The following PACS2 variants were observed in gnomAD, a reference collection of about 807,000 sequenced individuals.
PACS2 encodes PACS1-like protein.
In PACS2, 36 loss-of-function variants were observed where a neutral mutation model predicts 113.0. That is an observed-to-expected ratio of 0.32 (90% CI 0.24 to 0.42). PACS2 has a LOEUF of 0.42. PACS2 is among the 10% of genes least tolerant of loss of function. PACS2 has a pLI of 1.00. For synonymous variants in PACS2, 589 were observed against 536.1 expected, an observed-to-expected ratio of 1.10 and a Z score of -1.36; for missense variants, 1,015 against 1,239.5, an observed-to-expected ratio of 0.82 and a Z score of 2.72.
chr14:105,379,605 C>T, intron 9 of PACS2, 134 bp from the exon 10 acceptor site: 1 of 707,686 alleles, frequency 1.4e-6, no homozygotes, highest in Non-Finnish European at 2.5e-6. Flanking sequence ...GACACGGGCT[C>T]TTCTCTGGAC....
chr14:105,336,271 C>T (rs780218062), intron 1 of PACS2, among the ~76,000 whole-genome samples: 6 of 152,244 alleles, frequency 3.9e-5, no homozygotes, highest in African/African-American at 7.2e-5. Context: ...GGTTGACATG[C>T]GCCTCGAGGG....
intron 19 of PACS2, among the ~76,000 whole-genome samples, chr14:105,386,581 T>C (rs765464129): frequency 3.9e-5 from 6 of 152,086 alleles, no homozygotes; most frequent in Non-Finnish European, 8.8e-5. Context: ...TGGGGGCCCC[T>C]GCTGGTCCTC....
Position 105,326,718 on chromosome 14 carries a change from G to A in PACS2, c.119+11681G>A, listed in dbSNP as rs113405258. Among the ~76,000 whole-genome samples, 667 of 152,314 alleles carry A rather than the reference G, an allele frequency of 4.4e-3. 9 individuals carry two copies. Among genetic ancestry groups the A allele is most frequent in the African/African-American group, 0.015 (631 of 41,578 alleles). ...GGCCTAGCCAGGGAGGGGAGCGGGA[G>A]CTCTGGCCGTGAAGACCCACCCTGA... On this transcript the variant is annotated intron_variant, in intron 1 of 24. Coordinates refer to ENST00000447393, the MANE Select transcript of PACS2 (RefSeq NM_001100913.3).
chr14:105,390,079 G>A, intron 20 of PACS2, 76 bp downstream of exon 20: 1 of 1,241,006 alleles, frequency 8.1e-7, no homozygotes, highest in Non-Finnish European at 1.2e-6. Flanking sequence ...AACGTTTGGG[G>A]ATTGACTCGA....
chr14:105,350,268 T>A lies in PACS2; in HGVS notation c.207+1688T>A, dbSNP rs2060119097. Among the ~76,000 whole-genome samples the A allele has an allele frequency of 5.3e-5, 8 of 152,102 alleles. No individual in the cohort carries two copies. In the South Asian group the frequency reaches 1.7e-3, roughly 32 times the overall value. On this transcript the variant is annotated intron_variant, in intron 2 of 24. Coordinates refer to ENST00000447393, the MANE Select transcript of PACS2 (RefSeq NM_001100913.3). ...GGGCAGGGGTCAGGGTCTCATTGGG[T>A]CTTCAGAGCAATGCAGAAAGGCATG...
In PACS2 at chr14:105,358,879, G is replaced by A. The variant is rs1304366298; in HGVS notation, c.423+3702G>A. On this transcript the variant is annotated intron_variant, in intron 4 of 24. Coordinates refer to ENST00000447393, the MANE Select transcript of PACS2 (RefSeq NM_001100913.3). This position sits in a 1 kb window ranked among gnomAD's most constrained non-coding sequence, Gnocchi z 4.9. ...GATTCCCTTTAGTTTCTCTCTATGAGTGTCTGCACAGCCACAGGCTGCTGA... is the reference window on the plus strand; with the variant it reads ...GATTCCCTTTAGTTTCTCTCTATGAATGTCTGCACAGCCACAGGCTGCTGA... Among the ~76,000 whole-genome samples the A allele has an allele frequency of 6.6e-6, 1 of 152,214 alleles. No homozygotes were observed. Among genetic ancestry groups the A allele is most frequent in the East Asian group, 1.9e-4 (1 of 5,202 alleles).
Position 105,323,050 on chromosome 14 carries a change from TG to T in PACS2, c.119+8015del, listed in dbSNP as rs1383202924. Among the ~76,000 whole-genome samples, 1 of 152,156 alleles carries T rather than the reference TG, an allele frequency of 6.6e-6. No homozygotes were observed. Among genetic ancestry groups the T allele is most frequent in the Non-Finnish European group, 1.5e-5 (1 of 68,034 alleles). On this transcript the variant is annotated intron_variant, in intron 1 of 24. Coordinates refer to ENST00000447393, the MANE Select transcript of PACS2 (RefSeq NM_001100913.3). The surrounding 1 kb of genome is among the most constrained non-coding windows in gnomAD (Gnocchi z 4.1). ...TAAGAGGTCAGCGGCCGTGACAGGCTGGAGGGAGACGTCTGGGTGGCTTTGT... is the reference window on the plus strand; with the variant it reads ...TAAGAGGTCAGCGGCCGTGACAGGCTGAGGGAGACGTCTGGGTGGCTTTGT...
At chr14:105,367,046 C>G (rs1555408084) in intron 4 of PACS2, among the ~76,000 whole-genome samples, 167 bp from the exon 5 acceptor site, 3 of 152,196 alleles carry the variant, frequency 2.0e-5, no homozygotes, top group Non-Finnish European at 4.4e-5. Context: ...TCCCCAGTGG[C>G]CACGTTTCCT....
chr14:105,316,902 G>C (rs879828988), intron 1 of PACS2, among the ~76,000 whole-genome samples: 1 of 151,698 alleles, frequency 6.6e-6, no homozygotes, highest in Non-Finnish European at 1.5e-5. Flanking sequence ...GCGGAGGGGC[G>C]AGTGGCGCAG....
Position 105,384,422 on chromosome 14 carries a change from C to T in PACS2, c.1850C>T (p.Ala617Val), listed in dbSNP as rs782496059. ...TACAACAACTTCTTCCAGGACCTGG[C>T]CTGGAGAGACCTGTTCAACAAGCTG... ...YRYNNFFQDLAWRDLFNKLEA... is the reference protein window; with the variant it reads ...YRYNNFFQDLVWRDLFNKLEA... The change falls in exon 17 of 25, where the codon GCC becomes GTC. Residue 617 changes from alanine to valine, a missense_variant. By Grantham distance (64) the Ala-to-Val change is moderately conservative (BLOSUM62 0). Coordinates refer to ENST00000447393, the MANE Select transcript of PACS2 (RefSeq NM_001100913.3). 1.7e-5 allele frequency: 27 copies of T among 1,612,106 alleles called. No individual in the cohort carries two copies. The Admixed American group carries it at 4.0e-4, about 24-fold the overall frequency.
intron 9 of PACS2, 46 bp from the exon 10 acceptor site, chr14:105,379,693 G>T: frequency 6.7e-7 from 1 of 1,491,184 alleles, no homozygotes; most frequent in South Asian, 1.1e-5. Flanking sequence ...AGTGCAAGAA[G>T]GGTCCTGGAA....
intron 19 of PACS2, among the ~76,000 whole-genome samples, chr14:105,388,290 A>G (rs1365635168): frequency 3.3e-5 from 5 of 152,218 alleles, no homozygotes; most frequent in Non-Finnish European, 7.3e-5. Context: ...GGCGCTGCGA[A>G]GACAGGGAAG....
At chr14:105,394,177 G>T in intron 24 of PACS2, 1 of 985,302 alleles carries the variant, frequency 1.0e-6, no homozygotes, top group Non-Finnish European at 1.2e-6. Context: ...CTCCCCACAG[G>T]GGTCTCTGTT....
intron 20 of PACS2, chr14:105,390,215 T>C (rs1380657641): frequency 1.1e-5 from 7 of 611,750 alleles, no homozygotes; most frequent in Non-Finnish European, 1.8e-5. Context: ...TCCCCTTAGC[T>C]CTGCCTTGGG....
intron 4 of PACS2, among the ~76,000 whole-genome samples, chr14:105,364,459 GGGC>G (rs1470056830): frequency 7.0e-6 from 1 of 142,588 alleles, no homozygotes; most frequent in African/African-American, 2.6e-5. Context: ...GGTGCGCGGT[GGGC>G]GGCGTCCCGG....
At chr14:105,306,640 G>A (rs1314504107) in intron 1 of PACS2, among the ~76,000 whole-genome samples, 2 of 147,368 alleles carry the variant, frequency 1.4e-5, no homozygotes, top group Non-Finnish European at 3.0e-5. Flanking sequence ...GAGTCTCGCT[G>A]TGTCGCCCAG....
intron 1 of PACS2, among the ~76,000 whole-genome samples, chr14:105,301,514 G>A (rs2058026189): frequency 6.6e-6 from 1 of 152,124 alleles, no homozygotes. Context: ...GTGGTGGGCG[G>A]GGCCAGGGCA....
At chr14:105,308,186 C>T (rs587754973) in intron 1 of PACS2, among the ~76,000 whole-genome samples, 1 of 147,320 alleles carries the variant, frequency 6.8e-6, no homozygotes, top group Non-Finnish European at 1.5e-5. Flanking sequence ...CTGTCCCCCC[C>T]AAAAAAACAA....
Position 105,360,837 on chromosome 14 carries a change from G to A in PACS2, c.423+5660G>A, listed in dbSNP as rs149331106. Among the ~76,000 whole-genome samples, 753 of 152,250 alleles carry A rather than the reference G, an allele frequency of 4.9e-3. 4 individuals carry two copies. The highest frequency in any genetic ancestry group is 7.5e-3 in the Non-Finnish European group (507 of 68,026). On this transcript the variant is annotated intron_variant, in intron 4 of 24. Coordinates refer to ENST00000447393, the MANE Select transcript of PACS2 (RefSeq NM_001100913.3). ...CAGTCCTCTCAAACCCCGTTGCTGC[G>A]TTACTAACCGAGACGGTGGACTCTC...
Sources: allele counts gnomAD v4.1 joint callset (sites outside exome capture counted in the v4.1 genomes callset), GRCh38; gene constraint gnomAD v4.1.1; non-coding constraint Gnocchi (gnomAD v3.1); transcripts MANE v1.5; gene names NCBI Gene and HGNC (gene_info 2026-07-23, HGNC 2026-07-21).